Variants in PRCP observed in about 807,000 individuals in gnomAD.
PRCP encodes lysosomal Pro-X carboxypeptidase.
In PRCP, 46 loss-of-function variants were observed where a neutral mutation model predicts 54.2. That is an observed-to-expected ratio of 0.85 (90% CI 0.67 to 1.09). PRCP has a LOEUF of 1.09. Among genes scored for constraint, PRCP ranks in the 50% least tolerant of loss-of-function variants. PRCP has a pLI of 0.00. For synonymous variants in PRCP, 240 were observed against 212.2 expected (o/e 1.13, Z -1.14); for missense variants, 613 against 596.8 (o/e 1.03, Z -0.28).
rs933300744 is a variant in PRCP at position 82,894,150 on chromosome 11, T to C, written c.168+6085A>G. On this transcript the variant is annotated intron_variant, in intron 1 of 8. Transcript: ENST00000313010. ...GCACTAGAAATGAAGACAAATAAGA[T>C]CTACCATCAAGGTATTCTCCTTACC... Among the ~76,000 whole-genome samples the C allele has an allele frequency of 1.6e-4, 24 of 152,214 alleles. No individual in the cohort carries two copies. In the East Asian group the frequency reaches 4.6e-3, roughly 29 times the overall value.
At position 82,857,024 on chromosome 11, in the gene PRCP, G is replaced by A. The variant is rs1198408149; in HGVS notation, c.309+2953C>T. ...CACTCCAGCCTGGGCGACAGAGCGA[G>A]CCTCTGTCTCAAAAAAAAAAAAAAA... is the stretch of plus-strand genomic sequence containing the variant. On this transcript the variant is annotated intron_variant, in intron 2 of 8. Coordinates refer to ENST00000313010, the MANE Select transcript of PRCP (RefSeq NM_005040.4). Among the ~76,000 whole-genome samples the A allele has an allele frequency of 1.0e-4, 10 of 98,940 alleles. No individual in the cohort carries two copies. In the Admixed American group the frequency reaches 1.2e-3, roughly 12 times the overall value. 64.9% of individuals were successfully genotyped at this position (98,940 alleles called of 152,430 possible). A position where few individuals can be genotyped will look rare whatever the true frequency, so the allele number is the denominator to read the frequency against.
At chr11:82,855,409 G>C (rs983728020) in intron 2 of PRCP, among the ~76,000 whole-genome samples, 2 of 152,000 alleles carry the variant, frequency 1.3e-5, no homozygotes, top group African/African-American at 4.8e-5. Flanking sequence ...ACAAGGTCAG[G>C]AGATCGAGAC....
At chr11:82,878,256 G>T (rs1859654174) in intron 1 of PRCP, among the ~76,000 whole-genome samples, 1 of 152,202 alleles carries the variant, frequency 6.6e-6, no homozygotes, top group Non-Finnish European at 1.5e-5. Flanking sequence ...CTTGTCTCAG[G>T]TGAGACTTTG....
At chr11:82,890,441 T>G (rs781699466) in intron 1 of PRCP, among the ~76,000 whole-genome samples, 92 of 152,202 alleles carry the variant, frequency 6.0e-4, no homozygotes, top group Middle Eastern at 3.2e-3. Context: ...ATGCTCTTGT[T>G]TTTTCATTAG....
At chr11:82,830,281 G>A (rs1858345676) in intron 8 of PRCP, 1 of 151,648 alleles carries the variant, frequency 6.6e-6, no homozygotes, top group Admixed American at 6.6e-5. Flanking sequence ...AATTATATGA[G>A]AAAAAAACAT....
intron 1 of PRCP, among the ~76,000 whole-genome samples, chr11:82,864,925 T>C (rs1029789953): frequency 6.6e-6 from 1 of 152,046 alleles, no homozygotes; most frequent in East Asian, 1.9e-4. Flanking sequence ...GAAAAATCAG[T>C]AGCAACATTA....
chr11:82,828,968 T>A (rs553122192), intron 8 of PRCP: 3 of 152,330 alleles, frequency 2.0e-5, no homozygotes, highest in African/African-American at 7.2e-5. Context: ...ATTTTCTCAT[T>A]GTTTAACACA....
At chr11:82,897,150 T>C (rs539572399) in intron 1 of PRCP, among the ~76,000 whole-genome samples, 1 of 152,296 alleles carries the variant, frequency 6.6e-6, no homozygotes, top group South Asian at 2.1e-4. Flanking sequence ...TGTGCCCAAG[T>C]GATGTACTAT....
chr11:82,859,838 G>T, intron 2 of PRCP, 139 bp downstream of exon 2: 1 of 773,856 alleles, frequency 1.3e-6, no homozygotes, highest in Non-Finnish European at 1.8e-6. Context: ...TTATTAGTGT[G>T]TTAATTTTTT....
chr11:82,831,191 G>A (rs1427837079), intron 8 of PRCP: 2 of 152,020 alleles, frequency 1.3e-5, no homozygotes, highest in Non-Finnish European at 2.9e-5. Flanking sequence ...CAGCTCCTCA[G>A]GGACTCCCTT....
intron 2 of PRCP, chr11:82,858,370 GC>G (rs1859137511): frequency 6.6e-6 from 1 of 152,160 alleles, no homozygotes; most frequent in South Asian, 2.1e-4. Context: ...GTGTGATGCT[GC>G]CTCTCAACAA....
rs1004657810 is a variant in PRCP, at chr11:82,834,389, G to C, written c.1274+3998C>G. ...ATTTCCTTAAACATCCTAAGCAGAC[G>C]TATTTGCTTAACTGTCACTTTATAA... On this transcript the variant is annotated intron_variant, in intron 8 of 8. Transcript: ENST00000313010. Among the ~76,000 whole-genome samples the C allele has an allele frequency of 2.0e-5, 3 of 152,162 alleles. No homozygotes were observed. In the East Asian group the frequency reaches 5.8e-4, roughly 29 times the overall value.
At chr11:82,844,525 T>C (rs1384302389) in intron 6 of PRCP, among the ~76,000 whole-genome samples, 1 of 151,710 alleles carries the variant, frequency 6.6e-6, no homozygotes, top group Non-Finnish European at 1.5e-5. Flanking sequence ...TCACCTGAGA[T>C]CAGGAGTTCG....
chr11:82,900,139 G>A (rs1483259853), intron 1 of PRCP, 96 bp downstream of exon 1: 1 of 1,443,516 alleles, frequency 6.9e-7, no homozygotes, highest in Non-Finnish European at 9.6e-7. Flanking sequence ...GGCATCAAGG[G>A]GTGTGAATTT....
intron 1 of PRCP, among the ~76,000 whole-genome samples, chr11:82,867,601 A>G (rs908343981): frequency 1.3e-5 from 2 of 152,242 alleles, no homozygotes; most frequent in Admixed American, 1.3e-4. Context: ...GCCACAGCTC[A>G]AGCTCCCAAA....
rs763234104 is a variant in PRCP, at chr11:82,824,863, G to A, written c.*43C>T. The A allele has an allele frequency of 4.6e-6, 7 of 1,536,078 alleles. No individual in the cohort carries two copies. Among genetic ancestry groups the A allele is most frequent in the Admixed American group, 1.8e-5 (1 of 56,552 alleles). ...AAATCAAAGTGAATGGGAATGTGGT[G>A]GTGTGAACATAAAAGAAGAAATTGA... On this transcript the variant is annotated 3_prime_UTR_variant, in exon 9 of 9. Transcript: ENST00000313010.
intron 1 of PRCP, among the ~76,000 whole-genome samples, chr11:82,897,672 T>C (rs1277980157): frequency 2.6e-5 from 4 of 152,202 alleles, no homozygotes; most frequent in African/African-American, 9.7e-5. Flanking sequence ...GGATGGGGAA[T>C]TATGGCAGAA....
chr11:82,900,587 C>G (rs532427642), upstream of PRCP: 5 of 792,716 alleles, frequency 6.3e-6, no homozygotes, highest in Non-Finnish European at 1.1e-5. Flanking sequence ...CACTCCGCCC[C>G]CATCCCCGAG....
At chr11:82,843,541 T>C (rs754551304) in intron 6 of PRCP, among the ~76,000 whole-genome samples, 2 of 139,676 alleles carry the variant, frequency 1.4e-5, no homozygotes, top group Non-Finnish European at 3.1e-5. Context: ...ACTTGGCCTG[T>C]TGATTGTTTA....
Sources: gnomAD v4.1 joint callset for allele counts (sites outside exome capture counted in the v4.1 genomes callset) on GRCh38, gnomAD v4.1.1 for gene constraint, MANE v1.5 for transcripts, NCBI Gene and HGNC (gene_info 2026-07-23, HGNC 2026-07-21) for gene names.